Variants in ACYP2 observed in about 807,000 individuals in gnomAD.
ACYP2 encodes acylphosphatase-2.
In ACYP2, 12 loss-of-function variants were observed where a neutral mutation model predicts 11.2. That is an observed-to-expected ratio of 1.08 (90% CI 0.69 to 1.74). ACYP2 has a LOEUF of 1.74. Among genes scored for constraint, ACYP2 ranks in the 40% most tolerant of loss-of-function variants. The pLI is 0.00. For missense variants in ACYP2, 134 were observed against 101.9 expected (o/e 1.31, Z -1.35); for synonymous variants, 43 against 32.2 (o/e 1.33, Z -1.13).
intron 6 of ACYP2, chr2:54,256,297 G>C: frequency 1.2e-6 from 1 of 828,544 alleles, no homozygotes; most frequent in Non-Finnish European, 1.9e-6. Flanking sequence ...TCAGTCTCGC[G>C]ACACTCACTC....
intron 6 of ACYP2, chr2:54,142,303 G>C (rs780525108): frequency 1.8e-5 from 3 of 169,552 alleles, no homozygotes; most frequent in Non-Finnish European, 3.8e-5. Context: ...GACCAATATG[G>C]ATACATTAGT....
chr2:54,067,558 G>A (rs1368479499), intron 4 of ACYP2, among the ~76,000 whole-genome samples: 1 of 152,162 alleles, frequency 6.6e-6, no homozygotes, highest in Admixed American at 6.5e-5. Flanking sequence ...TACTTAACAT[G>A]AATTGTTATC....
At chr2:54,037,647 A>T (rs1016496878) in intron 2 of ACYP2, among the ~76,000 whole-genome samples, 3 of 152,116 alleles carry the variant, frequency 2.0e-5, no homozygotes, top group African/African-American at 7.2e-5. Flanking sequence ...GCCTCAAGTG[A>T]TCCTCCCCCC....
intron 4 of ACYP2, among the ~76,000 whole-genome samples, chr2:54,071,958 C>T (rs574437478): frequency 3.5e-4 from 53 of 152,240 alleles, no homozygotes; most frequent in African/African-American, 7.9e-4. Context: ...TTGCAGTGAG[C>T]TGAGATCGCA....
chr2:54,101,709 G>A (rs2103702681), intron 4 of ACYP2, among the ~76,000 whole-genome samples: 1 of 149,702 alleles, frequency 6.7e-6, no homozygotes, highest in African/African-American at 2.4e-5. Context: ...TGAAGTGTGT[G>A]TAATCTATCT....
At chr2:54,250,490 G>C (rs189066793) in intron 6 of ACYP2, among the ~76,000 whole-genome samples, 124 of 151,938 alleles carry the variant, frequency 8.2e-4, no homozygotes, top group Non-Finnish European at 6.5e-4. Flanking sequence ...GGGGGGCGTT[G>C]AAAGTATCTT....
At chr2:54,021,048 G>T (rs1673982847) in intron 2 of ACYP2, among the ~76,000 whole-genome samples, 1 of 152,186 alleles carries the variant, frequency 6.6e-6, no homozygotes, top group South Asian at 2.1e-4. Flanking sequence ...AGGGGAAGGG[G>T]TTTTATTCCT....
At chr2:54,029,514 C>T (rs1674472518) in intron 2 of ACYP2, 1 of 384,862 alleles carries the variant, frequency 2.6e-6, no homozygotes, top group Non-Finnish European at 5.0e-6. Context: ...GTGGTTCCAG[C>T]AACTCAGGCT....
chr2:54,100,730 C>T (rs1322331959), intron 4 of ACYP2, among the ~76,000 whole-genome samples: 2 of 152,108 alleles, frequency 1.3e-5, no homozygotes, highest in Admixed American at 1.3e-4. Flanking sequence ...TTTGAATTGA[C>T]CATTCATGCC....
intron 2 of ACYP2, among the ~76,000 whole-genome samples, chr2:54,037,364 C>G (rs554721975): frequency 7.4e-4 from 112 of 152,226 alleles, no homozygotes; most frequent in South Asian, 3.5e-3. Context: ...ATCCACCTGT[C>G]TCAGCTTCCC....
chr2:54,000,671 A>G (rs1018651738), intron 2 of ACYP2, among the ~76,000 whole-genome samples: 6 of 152,364 alleles, frequency 3.9e-5, no homozygotes, highest in African/African-American at 7.2e-5. Context: ...TGGAGTTGCA[A>G]CAGGTTTTTT....
chr2:54,300,530 A>C (rs1274932013), intron 6 of ACYP2, among the ~76,000 whole-genome samples: 1 of 152,218 alleles, frequency 6.6e-6, no homozygotes, highest in African/African-American at 2.4e-5. Flanking sequence ...GGGTCTTCCC[A>C]GTTTCAGAGC....
intron 4 of ACYP2, among the ~76,000 whole-genome samples, chr2:54,128,835 G>A (rs1191852353): frequency 2.0e-5 from 3 of 152,034 alleles, no homozygotes; most frequent in Non-Finnish European, 4.4e-5. Context: ...TGGCAGGGGA[G>A]ATTTCTTGTA....
intron 2 of ACYP2, among the ~76,000 whole-genome samples, chr2:54,042,213 T>G (rs57552961): frequency 0.094 from 14,227 of 152,054 alleles, 888 homozygotes; most frequent in African/African-American, 0.18. Flanking sequence ...TCCATGTTGG[T>G]CAGGCTGGTC....
chr2:53,992,038 C>T (rs972532862), intron 2 of ACYP2, among the ~76,000 whole-genome samples: 2 of 151,792 alleles, frequency 1.3e-5, no homozygotes, highest in African/African-American at 4.8e-5. Context: ...CTCCTTCCTT[C>T]CTCCCTCCTT....
At chr2:54,266,113 GAAAT>G (rs1220888857) in intron 6 of ACYP2, among the ~76,000 whole-genome samples, 3 of 151,996 alleles carry the variant, frequency 2.0e-5, no homozygotes, top group Admixed American at 6.5e-5. Context: ...GGTCAAAAAG[GAAAT>G]AAATAAATTA....
chr2:54,074,970 A>T (rs961926817), intron 4 of ACYP2, among the ~76,000 whole-genome samples: 3 of 152,214 alleles, frequency 2.0e-5, no homozygotes, highest in Admixed American at 2.0e-4. Context: ...TTGATCATGT[A>T]TCTGGGCACT....
chr2:54,137,065 C>G (rs1681289288), intron 5 of ACYP2, among the ~76,000 whole-genome samples: 1 of 152,082 alleles, frequency 6.6e-6, no homozygotes, highest in Non-Finnish European at 1.5e-5. Flanking sequence ...AATGTTGCTA[C>G]TTACATAGCA....
At chr2:54,270,388 A>G (rs1688233118) in intron 6 of ACYP2, among the ~76,000 whole-genome samples, 1 of 152,214 alleles carries the variant, frequency 6.6e-6, no homozygotes, top group South Asian at 2.1e-4. Flanking sequence ...TATGTACCAT[A>G]AGTGCTAATT....
Sources: allele counts gnomAD v4.1 joint callset (sites outside exome capture counted in the v4.1 genomes callset), GRCh38; gene constraint gnomAD v4.1.1; transcripts MANE v1.5; gene names NCBI Gene and HGNC (gene_info 2026-07-23, HGNC 2026-07-21).